DYNC1H1: variants seen among roughly 807,000 people sequenced by gnomAD.
DYNC1H1 encodes cytoplasmic dynein 1 heavy chain 1.
Under a neutral mutation model 527.1 loss-of-function variants are expected in DYNC1H1, and 51 were observed. The ratio of observed to expected loss-of-function variants is 0.10; its 90% CI spans 0.08 to 0.12. The LOEUF is 0.12. Among genes scored for constraint, DYNC1H1 ranks in the 10% least tolerant of loss-of-function variants. The pLI, the probability that DYNC1H1 is intolerant of heterozygous loss-of-function variation, is 1.00. For missense variants in DYNC1H1, 2,771 were observed against 5,971.8 expected (o/e 0.46, Z 17.66); for synonymous variants, 2,189 against 2,278.8 (o/e 0.96, Z 1.12).
Position 102,051,080 on chromosome 14 carries a change from A to G in DYNC1H1, c.*517A>G. The G allele has an allele frequency of 4.5e-6, 1 of 220,786 alleles. No individual in the cohort carries two copies. The highest frequency in any genetic ancestry group is 7.0e-5 in the South Asian group (1 of 14,192). 13.7% of individuals were successfully genotyped at this position (220,786 alleles called of 1,614,324 possible). A position where few individuals can be genotyped will look rare whatever the true frequency, so the allele number is the denominator to read the frequency against. Reference sequence around the variant, plus strand: ...GGAGTTAAAGACCAGCCTCGGCAACATAGTGAGACCCCGTCTCTACAGGAA... The same window carrying G: ...GGAGTTAAAGACCAGCCTCGGCAACGTAGTGAGACCCCGTCTCTACAGGAA... On this transcript the variant is annotated 3_prime_UTR_variant, in exon 78 of 78. Coordinates refer to ENST00000360184, the MANE Select transcript of DYNC1H1 (RefSeq NM_001376.5).
chr14:102,035,284 A>G (rs1388800723), intron 56 of DYNC1H1: 1 of 152,274 alleles, frequency 6.6e-6, no homozygotes, highest in Admixed American at 6.5e-5. Flanking sequence ...TGGACATTCA[A>G]ACAAACAGTC....
chr14:101,994,687 T>C lies in DYNC1H1; in HGVS notation c.3171T>C (p.Tyr1057=). 1 of 1,614,240 alleles carries C rather than the reference T, an allele frequency of 6.2e-7. No individual in the cohort carries two copies. The highest frequency in any genetic ancestry group is 2.2e-5 in the East Asian group (1 of 44,888). ...VEQYVKVWLQ[Y]QCLWDMQAEN... ...TTCATTTGCAGGTTTGGCTTCAGTA[T>C]CAGTGTTTATGGGATATGCAAGCTG... The change falls in exon 13 of 78, where the codon TAT becomes TAC. Residue 1057 remains tyrosine, a synonymous_variant. Coordinates refer to ENST00000360184, the MANE Select transcript of DYNC1H1 (RefSeq NM_001376.5).
rs2048115250 is a variant in DYNC1H1 at position 102,000,277 on chromosome 14, C to G, written c.3961-9C>G. 6.2e-7 allele frequency: 1 copy of G among 1,614,136 alleles called. No individual in the cohort carries two copies. The highest frequency in any genetic ancestry group is 8.5e-7 in the Non-Finnish European group (1 of 1,180,018). On this transcript the variant is annotated splice_polypyrimidine_tract_variant and intron_variant, in intron 17 of 77. Coordinates refer to ENST00000360184, the MANE Select transcript of DYNC1H1 (RefSeq NM_001376.5). ...CCAAAGTCAACTGCTTTACTATTCT[C>G]AATCGCAGGTGGCCTTAGAAGAATT...
intron 34 of DYNC1H1, among the ~76,000 whole-genome samples, chr14:102,013,228 G>A (rs561205797): frequency 1.0e-4 from 12 of 116,264 alleles, no homozygotes; most frequent in East Asian, 8.2e-4. Context: ...CAGCCTGGGC[G>A]ACAGAGAGAG....
In DYNC1H1 at chr14:102,053,768, A is replaced by ATTTTTTTT. The variant is rs2048848622; in HGVS notation, c.*3205_*3206insTTTTTTTT. ...CTTTGTTTGTTTTTTTTTTTTTTTG[A>ATTTTTTTT]GACAGTCTGGCTCTGTCACTGAGGC... On this transcript the variant is annotated 3_prime_UTR_variant, in exon 78 of 78. Transcript: ENST00000360184. The ATTTTTTTT allele has an allele frequency of 9.2e-6, 1 of 108,962 alleles. No homozygotes were observed. Among genetic ancestry groups the ATTTTTTTT allele is most frequent in the African/African-American group, 4.3e-5 (1 of 23,474 alleles). The allele number at this position is 108,962 out of a possible 1,614,324, so 6.7% of individuals were successfully genotyped here.
In DYNC1H1 at chr14:101,997,315, A is replaced by C. The variant is rs1366227858; in HGVS notation, c.3804+41A>C. On this transcript the variant is annotated intron_variant, in intron 16 of 77. Transcript: ENST00000360184. This position sits in a 1 kb window ranked among gnomAD's most constrained non-coding sequence, Gnocchi z 4.8. Reference sequence around the variant, plus strand: ...TGGGGACGCAGGAGACTCCTCACCCAGCAGTGTGATTTGGTGACTTTCTTT... The same window carrying C: ...TGGGGACGCAGGAGACTCCTCACCCCGCAGTGTGATTTGGTGACTTTCTTT... The C allele has an allele frequency of 6.2e-7, 1 of 1,613,624 alleles. No individual in the cohort carries two copies. Among genetic ancestry groups the C allele is most frequent in the South Asian group, 1.1e-5 (1 of 90,894 alleles).
At chr14:102,043,849 C>T (rs1275582651) in intron 69 of DYNC1H1, 26 bp from the exon 70 acceptor site, 1 of 1,614,152 alleles carries the variant, frequency 6.2e-7, no homozygotes, top group South Asian at 1.1e-5. Context: ...TCTAATGACT[C>T]TGTGCTTGGT....
chr14:101,995,294 A>C lies in DYNC1H1; in HGVS notation c.3558A>C (p.Gln1186His). Residue 1186 changes from glutamine to histidine, a missense_variant, in exon 15 of 78, where the codon CAA (glutamine) becomes CAC (histidine). Physicochemically the swap from Gln to His is conservative, Grantham distance 24. Around this residue, in one of 32 missense-constraint regions of DYNC1H1, gnomAD observed 223 missense variants for 462.5 expected, o/e 0.48. Coordinates refer to ENST00000360184, the MANE Select transcript of DYNC1H1 (RefSeq NM_001376.5). ...GGAAGATCAAGCAGTTTGAGAAGCA[A>C]GTTGAGGTGAGCTCTGTGCATATTT... is the stretch of plus-strand genomic sequence containing the variant. ...LKRKIKQFEKQVELYRNGQRL... is the reference protein window; with the variant it reads ...LKRKIKQFEKHVELYRNGQRL... 1 of 1,614,182 alleles carries C rather than the reference A, an allele frequency of 6.2e-7. No homozygotes were observed. Among genetic ancestry groups the C allele is most frequent in the Non-Finnish European group, 8.5e-7 (1 of 1,180,044 alleles).
In DYNC1H1 at chr14:101,979,246, G is replaced by A. The variant is rs1021905032; in HGVS notation, c.345-73G>A. 1.9e-5 allele frequency: 27 copies of A among 1,459,250 alleles called. No individual in the cohort carries two copies. In the East Asian group the frequency reaches 3.6e-4, roughly 20 times the overall value. 90.4% of individuals were successfully genotyped at this position (1,459,250 alleles called of 1,614,324 possible). On this transcript the variant is annotated intron_variant, in intron 2 of 77. Coordinates refer to ENST00000360184, the MANE Select transcript of DYNC1H1 (RefSeq NM_001376.5). The surrounding 1 kb of genome is among the most constrained non-coding windows in gnomAD (Gnocchi z 4.6). ...AAAAGCAACACTTCAGTATATTCTT[G>A]TATGATTTTTAAATTAATAAGCCTA...
Position 101,970,848 on chromosome 14 carries a change from G to A in DYNC1H1, c.257-4864G>A, listed in dbSNP as rs1027452180. Among the ~76,000 whole-genome samples, 27 of 152,230 alleles carry A rather than the reference G, an allele frequency of 1.8e-4. No homozygotes were observed. In the South Asian group the frequency reaches 2.3e-3, roughly 13 times the overall value. ...AGAGAACCCCAGGAACATTTAACAC[G>A]TAATTTGGTAGTGTATGCGGGCCAA... is the stretch of plus-strand genomic sequence containing the variant. On this transcript the variant is annotated intron_variant, in intron 1 of 77. Transcript: ENST00000360184.
intron 56 of DYNC1H1, 149 bp downstream of exon 56, chr14:102,034,601 G>A: frequency 8.0e-7 from 1 of 1,251,670 alleles, no homozygotes; most frequent in Non-Finnish European, 1.1e-6. Context: ...CTGATGGTGG[G>A]GCGTGTGCTG....
chr14:101,977,125 A>G (rs2047810114), intron 2 of DYNC1H1, among the ~76,000 whole-genome samples: 1 of 152,214 alleles, frequency 6.6e-6, no homozygotes, highest in South Asian at 2.1e-4. Flanking sequence ...TTCTATATGC[A>G]GGTTTGATTC....
rs1380909325 is a variant in DYNC1H1, at chr14:102,018,404, G to T, written c.8178-47G>T. The T allele has an allele frequency of 2.5e-6, 4 of 1,603,768 alleles. No individual in the cohort carries two copies. The East Asian group carries it at 9.0e-5, about 36-fold the overall frequency. ...TCCACTGGCACACTGCCCCTTCCTG[G>T]GAGGCGCTGTCAGGGAGGGGCGCTG... On this transcript the variant is annotated intron_variant, in intron 40 of 77. Coordinates refer to ENST00000360184, the MANE Select transcript of DYNC1H1 (RefSeq NM_001376.5). This position sits in a 1 kb window ranked among gnomAD's most constrained non-coding sequence, Gnocchi z 5.2.
Position 102,048,571 on chromosome 14 carries a change from A to G in DYNC1H1, c.13274A>G (p.Gln4425Arg). 1 of 1,614,242 alleles carries G rather than the reference A, an allele frequency of 6.2e-7. No homozygotes were observed. Among genetic ancestry groups the G allele is most frequent in the African/African-American group, 1.3e-5 (1 of 75,072 alleles). Residue 4425 changes from glutamine (Q) to arginine (R), a missense_variant, in exon 74 of 78, where the codon CAG becomes CGG. By Grantham distance (43) the Gln-to-Arg change is conservative. Coordinates refer to ENST00000360184, the MANE Select transcript of DYNC1H1 (RefSeq NM_001376.5). ...GTGAAGATGGGCGCAAAGCTGCTTCAGGACGTTCGCCAGGACCTTGCAGAT... is the reference window on the plus strand; with the variant it reads ...GTGAAGATGGGCGCAAAGCTGCTTCGGGACGTTCGCCAGGACCTTGCAGAT... ...REVKMGAKLL[Q>R]DVRQDLADVV...
chr14:101,970,555 T>C (rs2047725075), intron 1 of DYNC1H1, among the ~76,000 whole-genome samples: 1 of 133,728 alleles, frequency 7.5e-6, no homozygotes. Flanking sequence ...CGATCTCCGC[T>C]CACTGCAACC....
In DYNC1H1 at chr14:102,036,540, T is replaced by G; in HGVS notation, c.10806T>G (p.Asn3602Lys). The G allele has an allele frequency of 6.2e-7, 1 of 1,614,140 alleles. No individual in the cohort carries two copies. Among genetic ancestry groups the G allele is most frequent in the Admixed American group, 1.7e-5 (1 of 60,024 alleles). Residue 3602 changes from asparagine to lysine, a missense_variant, in exon 57 of 78, where the codon AAT becomes AAG. Physicochemically the swap from Asn to Lys is moderately conservative, Grantham distance 94. Transcript: ENST00000360184. The surrounding 1 kb of genome is among the most constrained non-coding windows in gnomAD (Gnocchi z 5.6). The part of the protein sequence containing the change: ...PSGQATEFIM[N>K]EYKDRKITRT... ...GACAGGCCACAGAATTCATTATGAATGAATATAAGGATCGTAAGATCACAC... is the reference window on the plus strand; with the variant it reads ...GACAGGCCACAGAATTCATTATGAAGGAATATAAGGATCGTAAGATCACAC...
At position 102,038,220 on chromosome 14, in the gene DYNC1H1, C is replaced by A. The variant is rs2048600264; in HGVS notation, c.10909-240C>A. On this transcript the variant is annotated intron_variant, in intron 57 of 77. Transcript: ENST00000360184. This position sits in a 1 kb window ranked among gnomAD's most constrained non-coding sequence, Gnocchi z 7.2. Reference sequence around the variant, plus strand: ...TCTCGAACTCCTGACCTCAAGTGATCTGCCTGCCTCAGCCTCCCAAAGTGC... The same window carrying A: ...TCTCGAACTCCTGACCTCAAGTGATATGCCTGCCTCAGCCTCCCAAAGTGC... The A allele has an allele frequency of 3.6e-6, 2 of 560,978 alleles. No individual in the cohort carries two copies. Among genetic ancestry groups the A allele is most frequent in the Non-Finnish European group, 6.4e-6 (2 of 312,308 alleles). The allele number at this position is 560,978 out of a possible 1,614,324, so 34.8% of individuals were successfully genotyped here.
In DYNC1H1 at chr14:102,005,330, G is replaced by A. The variant is rs918734662; in HGVS notation, c.5433+94G>A. On this transcript the variant is annotated intron_variant, in intron 26 of 77. Coordinates refer to ENST00000360184, the MANE Select transcript of DYNC1H1 (RefSeq NM_001376.5). The surrounding 1 kb of genome is among the most constrained non-coding windows in gnomAD (Gnocchi z 4.0). Reference sequence around the variant, plus strand: ...AAATCATGCTTGAAAAAGGTTTCAGGTAGTATCAAGGAGAACAGTGGATGG... The same window carrying A: ...AAATCATGCTTGAAAAAGGTTTCAGATAGTATCAAGGAGAACAGTGGATGG... The A allele has an allele frequency of 2.0e-6, 3 of 1,530,334 alleles. No individual in the cohort carries two copies. The highest frequency in any genetic ancestry group is 1.4e-5 in the African/African-American group (1 of 73,318). 94.8% of individuals were successfully genotyped at this position (1,530,334 alleles called of 1,614,324 possible). A position where few individuals can be genotyped will look rare whatever the true frequency, so the allele number is the denominator to read the frequency against.
chr14:101,991,431 C>T, intron 10 of DYNC1H1, 96 bp from the exon 11 acceptor site: 1 of 1,490,604 alleles, frequency 6.7e-7, no homozygotes, highest in South Asian at 1.2e-5. Context: ...TGCCATTACA[C>T]TGCAGCCTGG....
Sources: gnomAD v4.1 joint callset for allele counts (sites outside exome capture counted in the v4.1 genomes callset) on GRCh38, gnomAD v4.1.1 for gene constraint, gnomAD v4.1.1 regional missense constraint, Gnocchi (gnomAD v3.1) non-coding constraint, MANE v1.5 for transcripts, NCBI Gene and HGNC (gene_info 2026-07-23, HGNC 2026-07-21) for gene names.